Variants in ADAM19 observed in about 807,000 individuals in gnomAD.
ADAM19 encodes the protein ADAM metallopeptidase domain 19.
Under a neutral mutation model 114.7 loss-of-function variants are expected in ADAM19, and 65 were observed. That is an observed-to-expected ratio of 0.57 (90% CI 0.46 to 0.70). ADAM19 has a LOEUF of 0.70. Ranked by LOEUF, ADAM19 falls within the 30% of genes least tolerant of loss-of-function variation. ADAM19 has a pLI of 0.00. For synonymous variants in ADAM19, 466 were observed against 460.5 expected, an observed-to-expected ratio of 1.01 and a Z score of -0.15; for missense variants, 1,063 against 1,204.7, an observed-to-expected ratio of 0.88 and a Z score of 1.74.
At chr5:157,570,866 CA>C (rs1318026248) in intron 2 of ADAM19, 28 bp downstream of exon 2, 3 of 1,592,906 alleles carry the variant, frequency 1.9e-6, no homozygotes, top group Non-Finnish European at 2.6e-6. Context: ...CAACTCCTGC[CA>C]GTGTAAATGA....
At chr5:157,531,392 C>T (rs1049749194) in intron 4 of ADAM19, among the ~76,000 whole-genome samples, 3 of 152,134 alleles carry the variant, frequency 2.0e-5, no homozygotes. Flanking sequence ...CTGGGCCAGG[C>T]GTGGTGGCTC....
At chr5:157,575,467 C>G (rs1757946429) in intron 1 of ADAM19, 136 bp downstream of exon 1, 2 of 588,386 alleles carry the variant, frequency 3.4e-6, no homozygotes, top group Non-Finnish European at 5.3e-6. Flanking sequence ...GGCTCCCAGG[C>G]TGGGGACGGC....
chr5:157,550,834 T>G (rs1026879097), intron 3 of ADAM19, among the ~76,000 whole-genome samples: 1 of 152,190 alleles, frequency 6.6e-6, no homozygotes, highest in African/African-American at 2.4e-5. Flanking sequence ...AACTTGCCTT[T>G]ATATATCCAC....
At chr5:157,549,522 C>T (rs925334509) in intron 3 of ADAM19, among the ~76,000 whole-genome samples, 2 of 152,184 alleles carry the variant, frequency 1.3e-5, no homozygotes, top group African/African-American at 4.8e-5. Flanking sequence ...CCTCCCTCAT[C>T]AAAAGCCTCC....
intron 2 of ADAM19, among the ~76,000 whole-genome samples, chr5:157,569,582 G>A (rs572073708): frequency 6.6e-6 from 1 of 151,932 alleles, no homozygotes; most frequent in East Asian, 1.9e-4. Context: ...ACACTGTTAG[G>A]TTCCCTTGGT....
chr5:157,502,687 GT>G (rs1445242831), intron 12 of ADAM19, 115 bp downstream of exon 12: 1 of 1,162,066 alleles, frequency 8.6e-7, no homozygotes, highest in East Asian at 2.4e-5. Flanking sequence ...GTATTGGACA[GT>G]TATATGTAGG....
At chr5:157,544,784 T>C (rs1042661939) in intron 3 of ADAM19, among the ~76,000 whole-genome samples, 2 of 152,130 alleles carry the variant, frequency 1.3e-5, no homozygotes, top group Admixed American at 1.3e-4. Context: ...GCGAAAATGG[T>C]GAGTAGGAAC....
chr5:157,525,424 G>A (rs558366664), intron 5 of ADAM19, among the ~76,000 whole-genome samples: 1 of 152,218 alleles, frequency 6.6e-6, no homozygotes, highest in Non-Finnish European at 1.5e-5. Flanking sequence ...TAATGGTCTG[G>A]TCTACTCTTG....
intron 11 of ADAM19, among the ~76,000 whole-genome samples, 187 bp downstream of exon 11, chr5:157,505,482 A>C (rs1375315513): frequency 1.3e-5 from 2 of 152,248 alleles, no homozygotes; most frequent in African/African-American, 4.8e-5. Flanking sequence ...CTCCTGCTGG[A>C]AAGTTAAGTT....
chr5:157,566,863 G>C (rs6889203), intron 2 of ADAM19: 31,157 of 152,050 alleles, frequency 0.2, 4,566 homozygotes, highest in African/African-American at 0.41. Context: ...TAGATACTGG[G>C]GTATTACCAT....
intron 7 of ADAM19, among the ~76,000 whole-genome samples, chr5:157,513,759 T>C (rs961060291): frequency 6.6e-6 from 1 of 152,204 alleles, no homozygotes; most frequent in Admixed American, 6.5e-5. Context: ...CGGAGTAGAA[T>C]TGCCTTCCTC....
At position 157,491,630 on chromosome 5, in the gene ADAM19, G is replaced by T; in HGVS notation, c.2080C>A (p.Pro694Thr). The T allele has an allele frequency of 6.5e-7, 1 of 1,529,618 alleles. No individual in the cohort carries two copies. Among genetic ancestry groups the T allele is most frequent in the Non-Finnish European group, 8.8e-7 (1 of 1,137,972 alleles). The allele number at this position is 1,529,618 out of a possible 1,614,324, so 94.8% of individuals were successfully genotyped here. ...PGHGGSIDSG[P>T]MPPESVGPVV... ...TGGCACTCACTCTCAGGGGGCATAGGCCCACTGTCGATACTGCCCCCGTGG... is the reference window on the plus strand; with the variant it reads ...TGGCACTCACTCTCAGGGGGCATAGTCCCACTGTCGATACTGCCCCCGTGG... The change falls in exon 18 of 23, where the codon CCT (proline) becomes ACT (threonine). Residue 694 changes from proline to threonine, a missense_variant. By Grantham distance (38) the Pro-to-Thr change is conservative. This residue lies in a region of ADAM19 where 424 missense variants were observed against 445.5 expected (regional missense o/e 0.95). Coordinates refer to ENST00000257527, the MANE Select transcript of ADAM19 (RefSeq NM_033274.5).
At chr5:157,489,264 A>G (rs1755066826) in intron 19 of ADAM19, 78 bp from the exon 20 acceptor site, 2 of 1,035,752 alleles carry the variant, frequency 1.9e-6, no homozygotes, top group Non-Finnish European at 3.0e-6. Flanking sequence ...CCTTTGACCC[A>G]AGCACGGCCA....
chr5:157,555,608 G>A (rs1757346106), intron 3 of ADAM19, among the ~76,000 whole-genome samples: 1 of 152,156 alleles, frequency 6.6e-6, no homozygotes, highest in East Asian at 1.9e-4. Flanking sequence ...AAACCTGCTT[G>A]CTATGTGCCA....
chr5:157,554,434 ACAAATCC>A (rs769045593), intron 3 of ADAM19, among the ~76,000 whole-genome samples: 4 of 152,254 alleles, frequency 2.6e-5, no homozygotes, highest in Non-Finnish European at 5.9e-5. Flanking sequence ...GAACCAGTGA[ACAAATCC>A]CAACCTCATA....
At chr5:157,527,008 T>C (rs1348810230) in intron 5 of ADAM19, among the ~76,000 whole-genome samples, 2 of 152,306 alleles carry the variant, frequency 1.3e-5, no homozygotes, top group Middle Eastern at 3.4e-3. Context: ...ATTATATTCC[T>C]ATATTAGTCC....
chr5:157,513,636 G>T, intron 7 of ADAM19, 131 bp from the exon 8 acceptor site: 2 of 783,314 alleles, frequency 2.6e-6, no homozygotes, highest in Non-Finnish European at 4.3e-6. Context: ...TTATGCAATT[G>T]TCTTCCCCAC....
chr5:157,547,145 T>A (rs1221095506), intron 3 of ADAM19, among the ~76,000 whole-genome samples: 1 of 152,232 alleles, frequency 6.6e-6, no homozygotes, highest in East Asian at 1.9e-4. Context: ...ATCCCCATGA[T>A]GATCCTGCCA....
chr5:157,544,378 CACG>C (rs1484338441), intron 3 of ADAM19, among the ~76,000 whole-genome samples: 1 of 152,198 alleles, frequency 6.6e-6, no homozygotes, highest in African/African-American at 2.4e-5. Flanking sequence ...AACCACTTCC[CACG>C]ACATCTTCTC....
Sources: gnomAD v4.1 joint callset for allele counts (sites outside exome capture counted in the v4.1 genomes callset) on GRCh38, gnomAD v4.1.1 for gene constraint, gnomAD v4.1.1 regional missense constraint, MANE v1.5 for transcripts, NCBI Gene and HGNC (gene_info 2026-07-23, HGNC 2026-07-21) for gene names.